TBK1: variants seen among roughly 807,000 people sequenced by gnomAD.
TBK1 encodes the protein TANK binding kinase 1, also known as serine/threonine-protein kinase TBK1.
In TBK1, 37 loss-of-function variants were observed where a neutral mutation model predicts 99.9. The observed-to-expected ratio is 0.37, with a 90% CI of 0.28 to 0.49. The LOEUF is 0.49. Among genes scored for constraint, TBK1 ranks in the 20% least tolerant of loss-of-function variants. TBK1 has a pLI of 0.98. For missense variants in TBK1, 644 were observed against 872.5 expected, an observed-to-expected ratio of 0.74 and a Z score of 3.30; for synonymous variants, 258 against 279.8, an observed-to-expected ratio of 0.92 and a Z score of 0.78.
chr12:64,464,509 T>A, intron 4 of TBK1, 46 bp downstream of exon 4: 2 of 1,422,606 alleles, frequency 1.4e-6, no homozygotes, highest in South Asian at 3.0e-5. Flanking sequence ...TAAAATTTAA[T>A]AACAGAATTT....
In TBK1 at chr12:64,464,522, A is replaced by T. The variant is rs539707223; in HGVS notation, c.358+59A>T. 73 of 1,360,164 alleles carry T rather than the reference A, an allele frequency of 5.4e-5. No homozygotes were observed. The South Asian group carries it at 8.6e-4, about 16-fold the overall frequency. The allele number at this position is 1,360,164 out of a possible 1,614,324, so 84.3% of individuals were successfully genotyped here. ...TATAAAATTTAATAACAGAATTTTT[A>T]AAAAATATCTTCCATTCAAAACTGA... is the stretch of plus-strand genomic sequence containing the variant. On this transcript the variant is annotated intron_variant, in intron 4 of 20. Transcript: ENST00000331710.
In TBK1 at chr12:64,496,972, CA is replaced by C; in HGVS notation, c.1788del (p.Ala597LeufsTer2). ...FDKQKLYYHA[T>X]KAMTHFTDEC... ...AGGCAAAAACTGTATTACCATGCCA[CA>C]AAAGCTATGACGCACTTTACAGATG... On this transcript the variant is annotated frameshift_variant, in exon 17 of 21. Coordinates refer to ENST00000331710, the MANE Select transcript of TBK1 (RefSeq NM_013254.4). LOFTEE classifies it high-confidence loss of function. The C allele has an allele frequency of 6.2e-7, 1 of 1,612,586 alleles. No individual in the cohort carries two copies. Among genetic ancestry groups the C allele is most frequent in the South Asian group, 1.1e-5 (1 of 90,832 alleles).
chr12:64,454,611 ATGT>A (rs920764443), intron 1 of TBK1, among the ~76,000 whole-genome samples: 5 of 148,180 alleles, frequency 3.4e-5, no homozygotes, highest in African/African-American at 1.2e-4. Flanking sequence ...TCATTGGTTA[ATGT>A]TTTTTTTTTC....
chr12:64,495,880 GT>G, intron 15 of TBK1, 105 bp downstream of exon 15: 1 of 639,192 alleles, frequency 1.6e-6, no homozygotes, highest in Non-Finnish European at 2.3e-6. Context: ...TTCTTAAGCT[GT>G]TTTTTTCAGA....
At chr12:64,464,588 C>A in intron 4 of TBK1, 125 bp downstream of exon 4, 1 of 676,892 alleles carries the variant, frequency 1.5e-6, no homozygotes, top group Non-Finnish European at 2.2e-6. Context: ...ACACCAAAAG[C>A]ACAAATACCA....
At chr12:64,499,105 G>A (rs556142331) in intron 20 of TBK1, among the ~76,000 whole-genome samples, 14 of 131,136 alleles carry the variant, frequency 1.1e-4, no homozygotes, top group Non-Finnish European at 6.1e-5. Context: ...GTCCAATGGC[G>A]TGATCTCAGC....
intron 2 of TBK1, among the ~76,000 whole-genome samples, chr12:64,456,381 G>A (rs910940130): frequency 8.5e-5 from 13 of 152,160 alleles, no homozygotes; most frequent in African/African-American, 2.9e-4. Flanking sequence ...GCTCTGGTAA[G>A]GGTAAGTGCC....
chr12:64,468,492 G>GAA (rs61344644), intron 5 of TBK1, among the ~76,000 whole-genome samples: 2 of 118,552 alleles, frequency 1.7e-5, no homozygotes, highest in Non-Finnish European at 3.6e-5. Context: ...CTCCGTCTCA[G>GAA]AAAAAAAAAA....
intron 20 of TBK1, among the ~76,000 whole-genome samples, chr12:64,499,926 G>T (rs181538670): frequency 2.0e-5 from 3 of 152,000 alleles, no homozygotes; most frequent in East Asian, 3.9e-4. Context: ...TCAATCTCTT[G>T]ACCTCGTGAT....
Position 64,501,561 on chromosome 12 carries a change from A to C in TBK1, c.*180A>C. On this transcript the variant is annotated 3_prime_UTR_variant, in exon 21 of 21. Transcript: ENST00000331710. ...ATACAAATTTTTGGCTGCTGTGAAG[A>C]TGTAATTTTATCTTTTAACATTTAT... 1 of 568,170 alleles carries C rather than the reference A, an allele frequency of 1.8e-6. No individual in the cohort carries two copies. The highest frequency in any genetic ancestry group is 3.1e-5 in the East Asian group (1 of 32,012). 35.2% of individuals were successfully genotyped at this position (568,170 alleles called of 1,614,324 possible).
At chr12:64,462,137 A>G (rs972969827) in intron 3 of TBK1, among the ~76,000 whole-genome samples, 1 of 152,116 alleles carries the variant, frequency 6.6e-6, no homozygotes, top group Non-Finnish European at 1.5e-5. Flanking sequence ...CCCATCCTAA[A>G]TCATGCTGTG....
At chr12:64,497,348 T>C in intron 18 of TBK1, 89 bp downstream of exon 18, 2 of 960,108 alleles carry the variant, frequency 2.1e-6, no homozygotes, top group East Asian at 2.6e-5. Context: ...AGAATGTGCC[T>C]ACATTCAGTT....
At position 64,482,002 on chromosome 12, in the gene TBK1, T is replaced by A; in HGVS notation, c.973T>A (p.Tyr325Asn). 1 of 1,591,662 alleles carries A rather than the reference T, an allele frequency of 6.3e-7. No homozygotes were observed. The highest frequency in any genetic ancestry group is 8.6e-7 in the Non-Finnish European group (1 of 1,168,836). ...ACAACAAATGACAGCTCATAAGATT[T>A]ATATTCATAGCTATAATACGTAAGT... ...SLQQMTAHKI[Y>N]IHSYNTATIF... Residue 325 changes from tyrosine (Y) to asparagine (N), a missense_variant, in exon 8 of 21, where the codon TAT (tyrosine) becomes AAT (asparagine). Tyr to Asn is a moderately radical substitution (Grantham distance 143, BLOSUM62 -2). Transcript: ENST00000331710.
intron 4 of TBK1, among the ~76,000 whole-genome samples, chr12:64,465,242 CAAAAAAAAAAAA>C (rs57575805): frequency 1.4e-4 from 8 of 57,918 alleles, no homozygotes; most frequent in East Asian, 5.4e-4. Context: ...AAGACTATCT[CAAAAAAAAAAAA>C]AAAAAAAAAA....
rs568048370 is a variant in TBK1, at chr12:64,480,669, G to T, written c.812+547G>T. Among the ~76,000 whole-genome samples the T allele has an allele frequency of 5.7e-4, 86 of 152,210 alleles. No individual in the cohort carries two copies. The South Asian group carries it at 0.016, about 29-fold the overall frequency. On this transcript the variant is annotated intron_variant, in intron 7 of 20. Transcript: ENST00000331710. ...AATTATATTGTCATTTAAGAATCCT[G>T]TTACCACAAAGAAAGAATTAAGGTA...
intron 8 of TBK1, among the ~76,000 whole-genome samples, chr12:64,483,628 T>G (rs564535898): frequency 6.6e-6 from 1 of 152,172 alleles, no homozygotes; most frequent in Non-Finnish European, 1.5e-5. Flanking sequence ...AGGAAGTTAG[T>G]GGAAGAGCTG....
intron 6 of TBK1, 39 bp from the exon 7 acceptor site, chr12:64,479,973 A>G: frequency 6.7e-7 from 1 of 1,482,610 alleles, no homozygotes; most frequent in Non-Finnish European, 9.3e-7. Flanking sequence ...TCATGCAAAA[A>G]TGAACTGCTT....
chr12:64,495,308 CT>C (rs1275444420), intron 13 of TBK1, 174 bp from the exon 14 acceptor site: 2 of 691,142 alleles, frequency 2.9e-6, no homozygotes, highest in Non-Finnish European at 4.6e-6. Flanking sequence ...TACTGTACCC[CT>C]GGTGGAAATC....
At chr12:64,463,871 T>G (rs200865177) in intron 3 of TBK1, among the ~76,000 whole-genome samples, 1 of 123,034 alleles carries the variant, frequency 8.1e-6, no homozygotes, top group African/African-American at 2.7e-5. Flanking sequence ...TTTTTTTTTG[T>G]TTTTTTTTTT....
Sources: allele counts gnomAD v4.1 joint callset (sites outside exome capture counted in the v4.1 genomes callset), GRCh38; gene constraint gnomAD v4.1.1; transcripts MANE v1.5; gene names NCBI Gene and HGNC (gene_info 2026-07-23, HGNC 2026-07-21).